Variants in NUP93 observed in about 807,000 individuals in gnomAD.
NUP93 encodes nucleoporin 93.
In NUP93, 55 loss-of-function variants were observed where a neutral mutation model predicts 107.8. The observed-to-expected ratio is 0.51, with a 90% CI of 0.41 to 0.64. The LOEUF is 0.64. Among genes scored for constraint, NUP93 ranks in the 30% least tolerant of loss-of-function variants. The probability of loss-of-function intolerance (pLI) is 0.00; values close to 1 mark genes in which losing one functional copy is unlikely to be tolerated. For synonymous variants in NUP93, 390 were observed against 397.5 expected (o/e 0.98, Z 0.22); for missense variants, 937 against 1,044.7 (o/e 0.90, Z 1.42).
In NUP93 at chr16:56,758,557, C is replaced by A. The variant is rs1431901735; in HGVS notation, c.199C>A (p.Arg67=). ...DVKASVLLGS[R]GLDISHISQR... ...ACATAGGTCAGTTCTCCTCGGGTCT[C>A]GGGGACTTGACATATCCCACATCTC... The change falls in exon 3 of 22, where the codon CGG becomes AGG. Residue 67 remains arginine, a synonymous_variant. Transcript: ENST00000308159. 1 of 1,613,618 alleles carries A rather than the reference C, an allele frequency of 6.2e-7. No homozygotes were observed. The highest frequency in any genetic ancestry group is 1.1e-5 in the South Asian group (1 of 91,068).
chr16:56,807,358 T>C (rs1432501262), intron 5 of NUP93, among the ~76,000 whole-genome samples: 1 of 152,238 alleles, frequency 6.6e-6, no homozygotes, highest in African/African-American at 2.4e-5. Context: ...TTCAACACTT[T>C]GCATATCCCC....
chr16:56,802,955 C>A (rs1963053450), intron 4 of NUP93, among the ~76,000 whole-genome samples: 2 of 152,108 alleles, frequency 1.3e-5, no homozygotes, highest in Admixed American at 6.6e-5. Flanking sequence ...CATCTTCCTT[C>A]TTCCCTCTCC....
Position 56,786,690 on chromosome 16 carries a change from T to C in NUP93, c.298-11786T>C, listed in dbSNP as rs183129350. Among the ~76,000 whole-genome samples the C allele has an allele frequency of 1.8e-4, 27 of 152,306 alleles. No individual in the cohort carries two copies. The East Asian group carries it at 5.0e-3, about 28-fold the overall frequency. ...TTGGGTCCATTGTGTTGGCTCGGCA[T>C]GAACGGTGAAGTCTCCTGGGATGGG... On this transcript the variant is annotated intron_variant, in intron 3 of 21. Coordinates refer to ENST00000308159, the MANE Select transcript of NUP93 (RefSeq NM_014669.5).
intron 3 of NUP93, chr16:56,781,790 T>A: frequency 1.0e-6 from 1 of 981,396 alleles, no homozygotes; most frequent in African/African-American, 1.7e-5. Flanking sequence ...CTTGGTACAG[T>A]CCGTTAACAA....
Position 56,741,070 on chromosome 16 carries a change from G to A in NUP93, c.-14-7164G>A, listed in dbSNP as rs1403142673. On this transcript the variant is annotated intron_variant, in intron 1 of 21. Transcript: ENST00000308159. ...TCTTTTGAATCACACCTTCATTATGGAAATCTGGATTTATAATAAAAAGCA... is the reference window on the plus strand; with the variant it reads ...TCTTTTGAATCACACCTTCATTATGAAAATCTGGATTTATAATAAAAAGCA... Among the ~76,000 whole-genome samples the A allele has an allele frequency of 2.0e-5, 3 of 151,990 alleles. No individual in the cohort carries two copies. The East Asian group carries it at 5.8e-4, about 29-fold the overall frequency.
At chr16:56,753,606 T>C (rs1287379932) in intron 2 of NUP93, among the ~76,000 whole-genome samples, 2 of 152,228 alleles carry the variant, frequency 1.3e-5, no homozygotes, top group African/African-American at 2.4e-5. Context: ...AGGTGATTCA[T>C]ATGCACTTTT....
chr16:56,734,244 C>A (rs746343818), intron 1 of NUP93, among the ~76,000 whole-genome samples: 28 of 152,218 alleles, frequency 1.8e-4, no homozygotes, highest in Non-Finnish European at 3.1e-4. Context: ...AAAAAGGAAA[C>A]CTTTGAGCAG....
intron 1 of NUP93, among the ~76,000 whole-genome samples, chr16:56,736,773 T>C (rs1961621397): frequency 6.6e-6 from 1 of 152,186 alleles, no homozygotes; most frequent in Admixed American, 6.5e-5. Context: ...GTCATTGCCA[T>C]TGAGTCTTCA....
chr16:56,805,013 T>G (rs1192704746), intron 4 of NUP93, among the ~76,000 whole-genome samples: 1 of 152,168 alleles, frequency 6.6e-6, no homozygotes, highest in Non-Finnish European at 1.5e-5. Context: ...ATTTATTTAT[T>G]TATTTTTTTG....
In NUP93 at chr16:56,847,700, G is replaced by A. The variant is rs1964132150; in HGVS notation, c.*3091G>A. On this transcript the variant is annotated 3_prime_UTR_variant, in exon 22 of 22. Coordinates refer to ENST00000308159, the MANE Select transcript of NUP93 (RefSeq NM_014669.5). ...TCAGAGGGAAAACTGAAGCGAAACT[G>A]GTGAGCTCTGCCACGGCAGATGCCT... The A allele has an allele frequency of 6.6e-6, 1 of 152,268 alleles. No individual in the cohort carries two copies. Among genetic ancestry groups the A allele is most frequent in the African/African-American group, 2.4e-5 (1 of 41,550 alleles). 9.4% of individuals were successfully genotyped at this position (152,268 alleles called of 1,614,324 possible).
chr16:56,754,797 C>G (rs1961988137), intron 2 of NUP93, among the ~76,000 whole-genome samples: 1 of 152,232 alleles, frequency 6.6e-6, no homozygotes, highest in South Asian at 2.1e-4. Flanking sequence ...ATTTCCCCTC[C>G]ACACTGCTTA....
At chr16:56,737,361 G>A (rs377290137) in intron 1 of NUP93, among the ~76,000 whole-genome samples, 21 of 152,260 alleles carry the variant, frequency 1.4e-4, no homozygotes, top group Middle Eastern at 3.4e-3. Context: ...CCATCCTGAA[G>A]ACCCCACCCA....
At chr16:56,770,337 T>C (rs1326643255) in intron 3 of NUP93, among the ~76,000 whole-genome samples, 1 of 152,172 alleles carries the variant, frequency 6.6e-6, no homozygotes, top group Non-Finnish European at 1.5e-5. Context: ...GGAGAAGTCA[T>C]CATTGGTCAC....
intron 3 of NUP93, among the ~76,000 whole-genome samples, chr16:56,761,944 G>A (rs1322963382): frequency 5.9e-5 from 9 of 152,068 alleles, no homozygotes; most frequent in East Asian, 5.8e-4. Context: ...TTAAAGAAAC[G>A]CCACTTAAAT....
At chr16:56,833,824 G>A (rs1427297368) in intron 13 of NUP93, among the ~76,000 whole-genome samples, 5 of 152,104 alleles carry the variant, frequency 3.3e-5, no homozygotes, top group Admixed American at 3.3e-4. Context: ...ATGGCTGCAG[G>A]TTCCTTATTG....
chr16:56,841,761 G>A lies in NUP93; in HGVS notation c.2277G>A (p.Gln759=). 6.2e-7 allele frequency: 1 copy of A among 1,614,200 alleles called. No individual in the cohort carries two copies. The highest frequency in any genetic ancestry group is 8.5e-7 in the Non-Finnish European group (1 of 1,180,024). Residue 759 remains glutamine (Q), a synonymous_variant, in exon 21 of 22, where the codon CAG becomes CAA. Transcript: ENST00000308159. ...CCACCATGAACATCTTGTTCACACA[G>A]TTTAAGAGGCTCAAGGGGACAAGTC... ...LLATMNILFT[Q]FKRLKGTSPS...
intron 4 of NUP93, among the ~76,000 whole-genome samples, chr16:56,804,779 G>A (rs1459797405): frequency 5.9e-5 from 9 of 151,770 alleles, no homozygotes; most frequent in South Asian, 4.2e-4. Context: ...GGTGGTGGGC[G>A]CCTGTAATCC....
chr16:56,740,299 A>G (rs1597100467), intron 1 of NUP93, among the ~76,000 whole-genome samples: 2 of 140,516 alleles, frequency 1.4e-5, no homozygotes, highest in East Asian at 2.2e-4. Flanking sequence ...GGGTCTCCTC[A>G]CTTCTCAGAC....
chr16:56,808,540 A>AT (rs2144582128), intron 5 of NUP93, among the ~76,000 whole-genome samples: 1 of 120,050 alleles, frequency 8.3e-6, no homozygotes, highest in African/African-American at 3.6e-5. Flanking sequence ...ATAGTTATAT[A>AT]ACTATAAATA....
Sources: gnomAD v4.1 joint callset for allele counts (sites outside exome capture counted in the v4.1 genomes callset) on GRCh38, gnomAD v4.1.1 for gene constraint, MANE v1.5 for transcripts, NCBI Gene and HGNC (gene_info 2026-07-23, HGNC 2026-07-21) for gene names.